GPHN: variants seen among roughly 807,000 people sequenced by gnomAD.
The protein encoded by GPHN is gephyrin.
Under a neutral mutation model 95.5 loss-of-function variants are expected in GPHN, and 17 were observed. That is an observed-to-expected ratio of 0.18 (90% confidence interval 0.12 to 0.27). The LOEUF (loss-of-function observed/expected upper bound fraction) is 0.27, where lower values mean the gene tolerates loss of function less well. Among genes scored for constraint, GPHN ranks in the 10% least tolerant of loss-of-function variants. The probability of loss-of-function intolerance (pLI) is 1.00; values close to 1 mark genes in which losing one functional copy is unlikely to be tolerated. For missense variants in GPHN, 660 were observed against 978.1 expected (o/e 0.67, Z 4.34); for synonymous variants, 320 against 322.5 (o/e 0.99, Z 0.08).
chr14:67,299,295 A>G, the GPHN span, among the ~76,000 whole-genome samples: 1 of 152,206 alleles, frequency 6.6e-6, no homozygotes, highest in Non-Finnish European at 1.5e-5. Flanking sequence ...TTTGTCAGAT[A>G]CATATATCAA....
intron 17 of GPHN, among the ~76,000 whole-genome samples, chr14:67,131,741 T>C (rs546703245): frequency 6.6e-6 from 1 of 152,298 alleles, no homozygotes; most frequent in South Asian, 2.1e-4. Context: ...TCTTACAAAT[T>C]TACTTCTTGA....
Position 66,630,474 on chromosome 14 carries a change from ATTG to A in GPHN, c.65-50621_65-50619del, listed in dbSNP as rs748539409. On this transcript the variant is annotated intron_variant, in intron 1 of 22. Transcript: ENST00000478722. ...GTTGGCAATTGGTCATCAGAATCCT[ATTG>A]TTGTTGTTGTTATTTTTTTTTTAAG... 5.3e-5 allele frequency among the ~76,000 whole-genome samples: 8 copies of A among 151,178 alleles called. No homozygotes were observed. The East Asian group carries it at 5.8e-4, about 11-fold the overall frequency.
At chr14:67,344,022 G>A in the GPHN span, among the ~76,000 whole-genome samples, 8 of 152,170 alleles carry the variant, frequency 5.3e-5, no homozygotes, top group Non-Finnish European at 1.2e-4. Context: ...CCTGAGTAAG[G>A]AAATCTTAAG....
intron 9 of GPHN, among the ~76,000 whole-genome samples, chr14:67,011,834 T>TTATATATATATA (rs375784376): frequency 0.018 from 2,713 of 148,022 alleles, 34 homozygotes; most frequent in Non-Finnish European, 0.028. Context: ...TACACAGATT[T>TTATATATATATA]TATATATATA....
At chr14:67,436,782 G>A in the GPHN span, among the ~76,000 whole-genome samples, 6 of 152,206 alleles carry the variant, frequency 3.9e-5, no homozygotes, top group Non-Finnish European at 2.9e-5. Flanking sequence ...CAGGCCAGGC[G>A]CTGTGGCTCA....
intron 4 of GPHN, among the ~76,000 whole-genome samples, chr14:66,876,934 C>G (rs758025841): frequency 2.6e-5 from 4 of 151,970 alleles, no homozygotes; most frequent in Admixed American, 1.3e-4. Context: ...CTGAGAGAGA[C>G]ACAACAAAAA....
the GPHN span, among the ~76,000 whole-genome samples, chr14:67,308,546 CT>C: frequency 4.1e-3 from 537 of 131,784 alleles, 3 homozygotes; most frequent in African/African-American, 0.012. Context: ...TTTTCTTTTT[CT>C]TTTTTTTTTT....
At chr14:66,767,728 G>A (rs2059016876) in intron 2 of GPHN, among the ~76,000 whole-genome samples, 1 of 151,922 alleles carries the variant, frequency 6.6e-6, no homozygotes, top group Non-Finnish European at 1.5e-5. Context: ...CAGAAGAGTT[G>A]TCAAGTATCA....
intron 8 of GPHN, among the ~76,000 whole-genome samples, chr14:66,946,486 A>G (rs1317520398): frequency 1.3e-5 from 2 of 152,100 alleles, no homozygotes; most frequent in Non-Finnish European, 2.9e-5. Flanking sequence ...GCTCGCTGCA[A>G]ACTCCACCTC....
chr14:67,500,008 C>G, the GPHN span, among the ~76,000 whole-genome samples: 1 of 152,096 alleles, frequency 6.6e-6, no homozygotes, highest in Non-Finnish European at 1.5e-5. Context: ...ATACTTGTAA[C>G]TCCCAGTCAT....
intron 21 of GPHN, among the ~76,000 whole-genome samples, chr14:67,177,896 T>G (rs1421635751): frequency 6.6e-6 from 1 of 152,158 alleles, no homozygotes; most frequent in African/African-American, 2.4e-5. Flanking sequence ...ACCCCTGCTG[T>G]TTTTTGCTTT....
chr14:66,808,666 CTG>C (rs2060646430), intron 3 of GPHN, among the ~76,000 whole-genome samples: 2 of 152,124 alleles, frequency 1.3e-5, no homozygotes, highest in Non-Finnish European at 2.9e-5. Context: ...GCGTGGTGGC[CTG>C]TGCCTGTAAT....
At chr14:67,111,005 A>T (rs2153685738) in intron 14 of GPHN, among the ~76,000 whole-genome samples, 1 of 152,338 alleles carries the variant, frequency 6.6e-6, no homozygotes, top group East Asian at 1.9e-4. Flanking sequence ...TTTAATAATC[A>T]GCTCTCTTAC....
chr14:66,731,572 G>A (rs1027165688), intron 2 of GPHN, among the ~76,000 whole-genome samples: 4 of 152,120 alleles, frequency 2.6e-5, no homozygotes, highest in Admixed American at 2.0e-4. Context: ...ATCTGAAATT[G>A]GAACTTATGT....
At chr14:67,389,362 T>A in the GPHN span, among the ~76,000 whole-genome samples, 45 of 151,918 alleles carry the variant, frequency 3.0e-4, no homozygotes, top group South Asian at 4.4e-3. Flanking sequence ...GGAGAGTAGG[T>A]CCCCAGGACA....
chr14:67,686,909 A>G, the GPHN span, among the ~76,000 whole-genome samples: 5 of 152,218 alleles, frequency 3.3e-5, no homozygotes, highest in African/African-American at 1.2e-4. Context: ...GTGGACTGAC[A>G]GCTGCAGACA....
At chr14:67,022,382 T>A (rs767785664) in intron 9 of GPHN, among the ~76,000 whole-genome samples, 12 of 151,990 alleles carry the variant, frequency 7.9e-5, no homozygotes, top group Non-Finnish European at 1.8e-4. Context: ...CAGTCATTGA[T>A]TTATTTCCCA....
intron 8 of GPHN, among the ~76,000 whole-genome samples, chr14:66,946,466 C>T (rs748099992): frequency 1.3e-5 from 2 of 152,130 alleles, no homozygotes; most frequent in Non-Finnish European, 2.9e-5. Context: ...GAGTGCAGGA[C>T]ACAATCTCGG....
At chr14:67,213,352 C>G in the GPHN span, among the ~76,000 whole-genome samples, 1 of 123,166 alleles carries the variant, frequency 8.1e-6, no homozygotes, top group Non-Finnish European at 1.6e-5. Flanking sequence ...GTGTGATGTT[C>G]CCCTTCCTGT....
Sources: gnomAD v4.1 joint callset for allele counts (sites outside exome capture counted in the v4.1 genomes callset) on GRCh38, gnomAD v4.1.1 for gene constraint, MANE v1.5 for transcripts, NCBI Gene and HGNC (gene_info 2026-07-23, HGNC 2026-07-21) for gene names.